The following TBC1D8 variants were observed in gnomAD, a reference collection of about 807,000 sequenced individuals.
The protein encoded by TBC1D8 is TBC1 domain family member 8, also known as BUB2-like protein 1.
TBC1D8 carries 65 observed loss-of-function variants against 118.8 expected under a neutral mutation model. The observed-to-expected ratio is 0.55, with a 90% CI of 0.45 to 0.67. The LOEUF (loss-of-function observed/expected upper bound fraction) is 0.67, where lower values mean the gene tolerates loss of function less well. Ranked by LOEUF, TBC1D8 falls within the 30% of genes least tolerant of loss-of-function variation. The pLI is 0.00. For synonymous variants in TBC1D8, 566 were observed against 595.8 expected, an observed-to-expected ratio of 0.95 and a Z score of 0.73; for missense variants, 1,376 against 1,471.2, an observed-to-expected ratio of 0.94 and a Z score of 1.06.
chr2:101,103,635 G>A (rs1164111291), intron 1 of TBC1D8, among the ~76,000 whole-genome samples: 2 of 151,966 alleles, frequency 1.3e-5, no homozygotes, highest in East Asian at 1.9e-4. Context: ...CTCATGATCC[G>A]CCCGCCTTGG....
chr2:101,007,713 C>A lies in TBC1D8; in HGVS notation c.*108G>T. ...TTTGTCAGGTTGTTTAGCCAGATGC[C>A]CCATTGGTAAGGTAGACTGAAATCT... On this transcript the variant is annotated 3_prime_UTR_variant, in exon 20 of 20. Transcript: ENST00000409318. The A allele has an allele frequency of 8.8e-7, 1 of 1,139,352 alleles. No homozygotes were observed. The highest frequency in any genetic ancestry group is 1.3e-6 in the Non-Finnish European group (1 of 796,374). The allele number at this position is 1,139,352 out of a possible 1,614,324, so 70.6% of individuals were successfully genotyped here.
intron 1 of TBC1D8, among the ~76,000 whole-genome samples, chr2:101,125,431 A>T (rs1375304507): frequency 6.6e-6 from 1 of 152,244 alleles, no homozygotes; most frequent in East Asian, 1.9e-4. Context: ...ACACACAGAC[A>T]CACACAGGCC....
chr2:101,072,113 T>C (rs1057017594), intron 2 of TBC1D8, among the ~76,000 whole-genome samples: 2 of 152,212 alleles, frequency 1.3e-5, no homozygotes, highest in Admixed American at 6.5e-5. Context: ...TAAGCAGTAA[T>C]ACTTTGAAAG....
At chr2:101,036,987 C>T (rs1355403449) in intron 8 of TBC1D8, among the ~76,000 whole-genome samples, 1 of 152,214 alleles carries the variant, frequency 6.6e-6, no homozygotes, top group Non-Finnish European at 1.5e-5. Flanking sequence ...ATGGCCACTG[C>T]CCAGTGCTCA....
At chr2:101,094,522 T>C (rs1335978322) in intron 1 of TBC1D8, among the ~76,000 whole-genome samples, 1 of 152,196 alleles carries the variant, frequency 6.6e-6, no homozygotes, top group Non-Finnish European at 1.5e-5. Context: ...GTAGAACTCA[T>C]ATCTAGTTTG....
intron 14 of TBC1D8, 50 bp downstream of exon 14, chr2:101,027,998 G>T: frequency 1.3e-6 from 2 of 1,561,520 alleles, no homozygotes; most frequent in Non-Finnish European, 8.8e-7. Flanking sequence ...CGCACTCCCA[G>T]GTTGGCTCCC....
chr2:101,024,425 A>G (rs1471327464), intron 15 of TBC1D8, among the ~76,000 whole-genome samples: 1 of 40,432 alleles, frequency 2.5e-5, no homozygotes, highest in Non-Finnish European at 5.0e-5. Flanking sequence ...TTTTTTTTTG[A>G]GACAGAGTCT....
chr2:101,081,795 C>G (rs1192796810), intron 2 of TBC1D8, among the ~76,000 whole-genome samples: 3 of 152,172 alleles, frequency 2.0e-5, no homozygotes, highest in Non-Finnish European at 2.9e-5. Flanking sequence ...TTTCTGCTTC[C>G]TGAAAACTGG....
chr2:101,033,462 G>A (rs1423370610), intron 10 of TBC1D8, 82 bp downstream of exon 10: 3 of 1,529,862 alleles, frequency 2.0e-6, no homozygotes, highest in Non-Finnish European at 1.8e-6. Flanking sequence ...CCAGATGACT[G>A]GGAATGCAAA....
chr2:101,037,736 G>A (rs765384694), intron 7 of TBC1D8, 28 bp from the exon 8 acceptor site: 3 of 1,608,234 alleles, frequency 1.9e-6, no homozygotes, highest in African/African-American at 1.3e-5. Flanking sequence ...CAGAGACAGA[G>A]AGAGAGAGGA....
intron 1 of TBC1D8, among the ~76,000 whole-genome samples, chr2:101,110,357 A>G (rs796059): frequency 0.031 from 4,670 of 152,296 alleles, 110 homozygotes; most frequent in Non-Finnish European, 0.052. Flanking sequence ...TAATAGTACC[A>G]TAGCACAATA....
chr2:101,050,159 A>T (rs1039654079), intron 5 of TBC1D8, among the ~76,000 whole-genome samples: 1 of 152,236 alleles, frequency 6.6e-6, no homozygotes, highest in Non-Finnish European at 1.5e-5. Context: ...AGCATTCTTC[A>T]TGAAAATCAG....
intron 5 of TBC1D8, among the ~76,000 whole-genome samples, chr2:101,042,778 T>C (rs1035887465): frequency 6.6e-6 from 1 of 152,176 alleles, no homozygotes; most frequent in Non-Finnish European, 1.5e-5. Context: ...GCTATTTTCT[T>C]TAGGGAAAAG....
chr2:101,137,742 G>C (rs765778450), intron 1 of TBC1D8, among the ~76,000 whole-genome samples: 1 of 152,210 alleles, frequency 6.6e-6, no homozygotes, highest in Non-Finnish European at 1.5e-5. Flanking sequence ...AGACAGTACA[G>C]GGGTGTCCTA....
At chr2:101,019,009 AAC>A in intron 17 of TBC1D8, 1 of 1,612,696 alleles carries the variant, frequency 6.2e-7, no homozygotes, top group Admixed American at 1.7e-5. Context: ...TTCTGTGCTA[AAC>A]AGTGTTACAG....
chr2:101,074,770 A>C (rs892298509), intron 2 of TBC1D8, among the ~76,000 whole-genome samples: 3 of 152,200 alleles, frequency 2.0e-5, no homozygotes, highest in African/African-American at 7.2e-5. Context: ...TTAAGTTATA[A>C]CTATGTAGTT....
Position 101,090,350 on chromosome 2 carries a change from C to A in TBC1D8, c.142G>T (p.Ala48Ser), listed in dbSNP as rs368627293. 4 of 1,613,976 alleles carry A rather than the reference C, an allele frequency of 2.5e-6. No homozygotes were observed. Among genetic ancestry groups the A allele is most frequent in the Non-Finnish European group, 3.4e-6 (4 of 1,179,878 alleles). ...GGRLTGRLVGALDAVLDSNAR... is the reference protein window; with the variant it reads ...GGRLTGRLVGSLDAVLDSNAR... ...TTGGAATCCAACACTGCATCCAGAGCGCCGACCAGGCGACCTTCAAAAGAA... is the reference window on the plus strand; with the variant it reads ...TTGGAATCCAACACTGCATCCAGAGAGCCGACCAGGCGACCTTCAAAAGAA... Residue 48 changes from alanine to serine, a missense_variant, in exon 2 of 20, where the codon GCT becomes TCT. Physicochemically the swap from Ala to Ser is moderately conservative, Grantham distance 99. Transcript: ENST00000409318.
chr2:101,090,369 A>G lies in TBC1D8; in HGVS notation c.128-5T>C. On this transcript the variant is annotated splice_region_variant and splice_polypyrimidine_tract_variant and intron_variant, in intron 1 of 19. Transcript: ENST00000409318. ...CCAGAGCGCCGACCAGGCGACCTTC[A>G]AAAGAAAAGAGAAGAAAGTGCACCT... The G allele has an allele frequency of 6.2e-7, 1 of 1,613,782 alleles. No homozygotes were observed. The highest frequency in any genetic ancestry group is 8.5e-7 in the Non-Finnish European group (1 of 1,179,834).
intron 7 of TBC1D8, 24 bp from the exon 8 acceptor site, chr2:101,037,732 CAGAG>C (rs373832421): frequency 2.6e-5 from 42 of 1,607,950 alleles, no homozygotes; most frequent in South Asian, 4.4e-5. Flanking sequence ...GAGACAGAGA[CAGAG>C]AGAGAGAGGA....
Sources: gnomAD v4.1 joint callset for allele counts (sites outside exome capture counted in the v4.1 genomes callset) on GRCh38, gnomAD v4.1.1 for gene constraint, MANE v1.5 for transcripts, NCBI Gene and HGNC (gene_info 2026-07-23, HGNC 2026-07-21) for gene names.